The following FAM193A variants were observed in gnomAD, a reference collection of about 807,000 sequenced individuals.
FAM193A encodes the protein protein FAM193A.
In FAM193A, 22 loss-of-function variants were observed where a neutral mutation model predicts 126.5. The ratio of observed to expected loss-of-function variants is 0.17; its 90% CI spans 0.12 to 0.25. FAM193A has a LOEUF of 0.25. Ranked by LOEUF, FAM193A falls within the 10% of genes least tolerant of loss-of-function variation. The pLI is 1.00. For missense variants in FAM193A, 1,675 were observed against 1,672.8 expected, an observed-to-expected ratio of 1.00 and a Z score of -0.02; for synonymous variants, 761 against 646.8, an observed-to-expected ratio of 1.18 and a Z score of -2.68.
rs986931980 is a variant in FAM193A at position 2,577,422 on chromosome 4, G to GTT, written c.256-18649_256-18648dup. On this transcript the variant is annotated intron_variant, in intron 1 of 20. Transcript: ENST00000637812. Reference sequence around the variant, plus strand: ...ACTCAATTAAAGTGGTTTTTTTTTTGTTTTTTTTTTTTTTGAGACAGAGTC... The same window carrying GTT: ...ACTCAATTAAAGTGGTTTTTTTTTTGTTTTTTTTTTTTTTTTGAGACAGAGTC... Among the ~76,000 whole-genome samples the GTT allele has an allele frequency of 4.5e-3, 518 of 115,538 alleles. 19 individuals are homozygous for GTT. The highest frequency in any genetic ancestry group is 0.013 in the African/African-American group (374 of 29,570). 75.8% of individuals were successfully genotyped at this position (115,538 alleles called of 152,430 possible). A position where few individuals can be genotyped will look rare whatever the true frequency, so the allele number is the denominator to read the frequency against.
At chr4:2,707,405 A>G (rs1031756061) in intron 19 of FAM193A, among the ~76,000 whole-genome samples, 1 of 152,122 alleles carries the variant, frequency 6.6e-6, no homozygotes, top group African/African-American at 2.4e-5. Flanking sequence ...ATTCTGAACT[A>G]TCCAATACAG....
chr4:2,644,092 T>A (rs1168544135), intron 6 of FAM193A, among the ~76,000 whole-genome samples: 1 of 152,176 alleles, frequency 6.6e-6, no homozygotes, highest in Non-Finnish European at 1.5e-5. Flanking sequence ...TGCTGAGCCA[T>A]TGATTTAATT....
chr4:2,645,412 C>T (rs964517008), intron 6 of FAM193A, among the ~76,000 whole-genome samples: 9 of 152,202 alleles, frequency 5.9e-5, no homozygotes, highest in Admixed American at 4.6e-4. Flanking sequence ...CGCCATCTTG[C>T]TCAGTCTTTT....
intron 19 of FAM193A, among the ~76,000 whole-genome samples, chr4:2,707,528 GAA>G (rs979843167): frequency 2.0e-5 from 3 of 151,926 alleles, no homozygotes; most frequent in African/African-American, 7.3e-5. Flanking sequence ...GTAAATAAAA[GAA>G]TGCAAAATAT....
Position 2,725,119 on chromosome 4 carries a change from TCCACCTACCTCCGCCTC to T in FAM193A, c.4455-6652_4455-6636del, listed in dbSNP as rs370087158. Among the ~76,000 whole-genome samples the T allele has an allele frequency of 2.9e-4, 44 of 152,142 alleles. 1 individual carries two copies. In the South Asian group the frequency reaches 8.9e-3, roughly 31 times the overall value. The stretch of plus-strand genomic sequence containing the variant: ...GCCTCTAACTCCTGAGCTCAGGTAA[TCCACCTACCTCCGCCTC>T]CCAAAGTGCTGGGATTACAGGCGTG... On this transcript the variant is annotated intron_variant, in intron 20 of 20. Coordinates refer to ENST00000637812, the MANE Select transcript of FAM193A (RefSeq NM_001366318.2).
intron 1 of FAM193A, among the ~76,000 whole-genome samples, chr4:2,572,500 A>G (rs1470646881): frequency 2.0e-5 from 3 of 152,192 alleles, no homozygotes; most frequent in South Asian, 2.1e-4. Flanking sequence ...GGGACACTGT[A>G]TGTCCTCCTG....
chr4:2,627,239 C>T (rs138122283), intron 4 of FAM193A, among the ~76,000 whole-genome samples: 2,603 of 148,690 alleles, frequency 0.018, 59 homozygotes, highest in African/African-American at 0.052. Flanking sequence ...TGGCTCACTG[C>T]AACCCCTGCC....
chr4:2,593,273 C>T (rs1740671731), intron 1 of FAM193A, among the ~76,000 whole-genome samples: 1 of 152,114 alleles, frequency 6.6e-6, no homozygotes, highest in South Asian at 2.1e-4. Context: ...CGTTTCTTCC[C>T]ATTGTCCCAT....
intron 17 of FAM193A, among the ~76,000 whole-genome samples, chr4:2,696,029 AAAAT>A (rs4040736): frequency 1.7e-4 from 26 of 150,390 alleles, no homozygotes; most frequent in Middle Eastern, 3.4e-3. Context: ...CCTTGTCTCA[AAAAT>A]AAATAAATAA....
At chr4:2,551,761 G>A (rs1025605798) in intron 1 of FAM193A, among the ~76,000 whole-genome samples, 2 of 149,988 alleles carry the variant, frequency 1.3e-5, no homozygotes, top group African/African-American at 2.4e-5. Context: ...CTGTTTTTCC[G>A]TTTTCAGTGT....
intron 19 of FAM193A, chr4:2,715,273 G>C (rs188962047): frequency 1.3e-5 from 2 of 153,210 alleles, no homozygotes; most frequent in East Asian, 1.9e-4. Flanking sequence ...GACCAGCCTG[G>C]GCAACATGGT....
intron 2 of FAM193A, among the ~76,000 whole-genome samples, chr4:2,598,195 A>G (rs1437973865): frequency 6.6e-6 from 1 of 152,138 alleles, no homozygotes; most frequent in Non-Finnish European, 1.5e-5. Context: ...GCCTGGCCTG[A>G]CCTGATTTTT....
chr4:2,693,717 C>T lies in FAM193A; in HGVS notation c.2935C>T (p.Pro979Ser). The T allele has an allele frequency of 6.2e-7, 1 of 1,614,236 alleles. No homozygotes were observed. The highest frequency in any genetic ancestry group is 8.5e-7 in the Non-Finnish European group (1 of 1,180,050). ...TGCGCTGTCACCTGCTGCGCTCTCA[C>T]CTGCCTCCACACCTCACCTTGCAAA... ...PAALSPAALS[P>S]ASTPHLANLA... Residue 979 changes from proline to serine, a missense_variant, in exon 16 of 21, where the codon CCT becomes TCT. By Grantham distance (74) the Pro-to-Ser change is moderately conservative. Around this residue, in one of 4 missense-constraint regions of FAM193A, gnomAD observed 1,186 missense variants for 1,109.2 expected, o/e 1.07. Transcript: ENST00000637812.
At chr4:2,701,262 G>A (rs1303263158) in intron 19 of FAM193A, among the ~76,000 whole-genome samples, 1 of 143,942 alleles carries the variant, frequency 6.9e-6, no homozygotes, top group African/African-American at 2.6e-5. Context: ...TTCTCCAATT[G>A]TCCTTTTAAC....
At chr4:2,648,231 T>C (rs1745334855) in intron 7 of FAM193A, among the ~76,000 whole-genome samples, 1 of 152,204 alleles carries the variant, frequency 6.6e-6, no homozygotes, top group Non-Finnish European at 1.5e-5. Flanking sequence ...GTGGAGTAAG[T>C]TCCAACTTCG....
At chr4:2,726,515 C>T (rs1489397814) in intron 20 of FAM193A, among the ~76,000 whole-genome samples, 1 of 152,080 alleles carries the variant, frequency 6.6e-6, no homozygotes, top group Non-Finnish European at 1.5e-5. Context: ...ATCCGGGTCC[C>T]GGTACTGGCA....
intron 2 of FAM193A, among the ~76,000 whole-genome samples, chr4:2,623,621 G>A (rs1298032606): frequency 2.0e-5 from 3 of 152,182 alleles, no homozygotes; most frequent in African/African-American, 7.2e-5. Flanking sequence ...GCTTGGCTCA[G>A]CAGCAGACTG....
chr4:2,549,936 C>T (rs1368746991), intron 1 of FAM193A, among the ~76,000 whole-genome samples: 7 of 151,470 alleles, frequency 4.6e-5, no homozygotes, highest in Non-Finnish European at 7.4e-5. Flanking sequence ...ACCATATTGG[C>T]CAGGCTGATC....
chr4:2,590,198 G>T (rs1740448660), intron 1 of FAM193A, among the ~76,000 whole-genome samples: 1 of 145,332 alleles, frequency 6.9e-6, no homozygotes, highest in South Asian at 2.2e-4. Context: ...TTGGCTGGGC[G>T]CCATGGCTCA....
Sources: allele counts gnomAD v4.1 joint callset (sites outside exome capture counted in the v4.1 genomes callset), GRCh38; gene constraint gnomAD v4.1.1; regional missense constraint gnomAD v4.1.1; transcripts MANE v1.5; gene names NCBI Gene and HGNC (gene_info 2026-07-23, HGNC 2026-07-21).